Variants in AKAP12 observed in about 807,000 individuals in gnomAD.
AKAP12 encodes A-kinase anchoring protein 12.
In AKAP12, 32 loss-of-function variants were observed where a neutral mutation model predicts 79.9. The observed-to-expected ratio is 0.40, with a 90% confidence interval of 0.30 to 0.54. The LOEUF is 0.54. Among genes scored for constraint, AKAP12 ranks in the 20% least tolerant of loss-of-function variants. AKAP12 has a pLI of 0.48. For synonymous variants in AKAP12, 808 were observed against 857.0 expected, an observed-to-expected ratio of 0.94 and a Z score of 1.00; for missense variants, 2,074 against 2,177.0, an observed-to-expected ratio of 0.95 and a Z score of 0.94.
chr6:151,276,138 A>G (rs1457059540), intron 2 of AKAP12, among the ~76,000 whole-genome samples: 1 of 152,196 alleles, frequency 6.6e-6, no homozygotes, highest in Non-Finnish European at 1.5e-5. Flanking sequence ...GCCTAAGGAG[A>G]CCTTGAAATG....
intron 2 of AKAP12, among the ~76,000 whole-genome samples, chr6:151,272,092 C>T (rs988758593): frequency 5.3e-5 from 8 of 152,040 alleles, no homozygotes; most frequent in East Asian, 1.9e-4. Flanking sequence ...GTAATCCCTG[C>T]GCTGTGGGAG....
rs191862813 is a variant in AKAP12 at position 151,308,470 on chromosome 6, C to G, written c.319+2567C>G. On this transcript the variant is annotated intron_variant, in intron 3 of 4. Coordinates refer to ENST00000402676, the MANE Select transcript of AKAP12 (RefSeq NM_005100.4). Reference sequence around the variant, plus strand: ...TCAAGTGATCCGCCCGCCTCAGCCTCCCAGAGTGCTGGAATTACAGACGTG... The same window carrying G: ...TCAAGTGATCCGCCCGCCTCAGCCTGCCAGAGTGCTGGAATTACAGACGTG... 2.5e-3 allele frequency among the ~76,000 whole-genome samples: 377 copies of G among 152,262 alleles called. 6 individuals are homozygous for G. Among genetic ancestry groups the G allele is most frequent in the Admixed American group, 0.021 (326 of 15,292 alleles).
At chr6:151,308,019 G>T (rs1562731323) in intron 3 of AKAP12, among the ~76,000 whole-genome samples, 1 of 151,864 alleles carries the variant, frequency 6.6e-6, no homozygotes, top group Non-Finnish European at 1.5e-5. Context: ...GAGTAGCTGG[G>T]ACGTGCCACC....
In AKAP12 at chr6:151,353,142, A is replaced by G; in HGVS notation, c.4751A>G (p.Lys1584Arg). The change falls in exon 4 of 5, where the codon AAA (lysine) becomes AGA (arginine). Residue 1584 changes from lysine to arginine, a missense_variant. Around this residue, in one of 3 missense-constraint regions of AKAP12, gnomAD observed 614 missense variants for 665.6 expected, o/e 0.92. Coordinates refer to ENST00000402676, the MANE Select transcript of AKAP12 (RefSeq NM_005100.4). ...TTACAGACACAAGCTCACGTGATAA[A>G]AGCTGACAGCCAGGACGCTGGACAG... ...SELQTQAHVI[K>R]ADSQDAGQET... The G allele has an allele frequency of 1.2e-6, 2 of 1,614,208 alleles. No individual in the cohort carries two copies. Among genetic ancestry groups the G allele is most frequent in the Non-Finnish European group, 1.7e-6 (2 of 1,180,030 alleles).
chr6:151,257,424 G>A (rs901672855), intron 2 of AKAP12, among the ~76,000 whole-genome samples: 1 of 152,118 alleles, frequency 6.6e-6, no homozygotes, highest in Admixed American at 6.6e-5. Flanking sequence ...AGCCTCCTGA[G>A]TAGCTGGGAT....
intron 2 of AKAP12, among the ~76,000 whole-genome samples, chr6:151,281,886 G>T (rs2114725335): frequency 6.6e-6 from 1 of 151,948 alleles, no homozygotes; most frequent in East Asian, 2.0e-4. Flanking sequence ...TTGATGTAGG[G>T]ATGAGGTCTC....
chr6:151,285,632 T>C (rs1776489709), intron 2 of AKAP12, among the ~76,000 whole-genome samples: 1 of 152,024 alleles, frequency 6.6e-6, no homozygotes. Context: ...GGGGGAGGAT[T>C]ATGTAAACAA....
Position 151,350,851 on chromosome 6 carries a change from T to C in AKAP12, c.2460T>C (p.Asp820=). The C allele has an allele frequency of 6.2e-7, 1 of 1,613,982 alleles. No individual in the cohort carries two copies. Among genetic ancestry groups the C allele is most frequent in the Non-Finnish European group, 8.5e-7 (1 of 1,180,004 alleles). ...FIPGRRKKRP[D]GKQEQAPVED... Reference sequence around the variant, plus strand: ...CTGGACGAAGGAAGAAAAGGCCAGATGGGAAACAAGAACAAGCCCCTGTTG... The same window carrying C: ...CTGGACGAAGGAAGAAAAGGCCAGACGGGAAACAAGAACAAGCCCCTGTTG... The change falls in exon 4 of 5, where the codon GAT becomes GAC. Residue 820 remains aspartate, a synonymous_variant. Transcript: ENST00000402676. This position sits in a 1 kb window ranked among gnomAD's most constrained non-coding sequence, Gnocchi z 4.8.
At chr6:151,243,691 C>G (rs745430709) in intron 2 of AKAP12, among the ~76,000 whole-genome samples, 10 of 152,142 alleles carry the variant, frequency 6.6e-5, no homozygotes, top group African/African-American at 1.4e-4. Flanking sequence ...TATGTAAGAT[C>G]CAGGCGGGGG....
intron 2 of AKAP12, among the ~76,000 whole-genome samples, chr6:151,304,743 A>AT (rs965478040): frequency 6.0e-5 from 9 of 151,154 alleles, no homozygotes; most frequent in African/African-American, 1.5e-4. Flanking sequence ...TGCCTGGCTA[A>AT]TTTTTTTGTA....
intron 2 of AKAP12, among the ~76,000 whole-genome samples, chr6:151,275,698 G>A (rs1562717419): frequency 6.6e-6 from 1 of 152,210 alleles, no homozygotes; most frequent in African/African-American, 2.4e-5. Flanking sequence ...ACTGGAAGGA[G>A]TAAGGTTTTT....
Position 151,351,693 on chromosome 6 carries a change from C to T in AKAP12, c.3302C>T (p.Ala1101Val). 6.2e-7 allele frequency: 1 copy of T among 1,614,098 alleles called. No individual in the cohort carries two copies. Among genetic ancestry groups the T allele is most frequent in the Non-Finnish European group, 8.5e-7 (1 of 1,180,026 alleles). The change falls in exon 4 of 5, where the codon GCA becomes GTA. Residue 1101 changes from alanine (A) to valine (V), a missense_variant. By Grantham distance (64) the Ala-to-Val change is moderately conservative. This residue lies in a region of AKAP12 where 1,428 missense variants were observed against 1,451.0 expected (regional missense o/e 0.98). Transcript: ENST00000402676. This position sits in a 1 kb window ranked among gnomAD's most constrained non-coding sequence, Gnocchi z 4.4. ...DVVLKVDAQE[A>V]KTEPFTQGKV... ...GTGTTGAAAGTAGATGCTCAGGAGG[C>T]AAAAACTGAGCCTTTTACACAAGGG...
intron 2 of AKAP12, among the ~76,000 whole-genome samples, chr6:151,264,869 T>A: frequency 6.6e-6 from 1 of 151,724 alleles, no homozygotes; most frequent in Non-Finnish European, 1.5e-5. Flanking sequence ...AAGTTTATGT[T>A]GGCCGGGCGC....
At chr6:151,285,775 C>T (rs923073875) in intron 2 of AKAP12, among the ~76,000 whole-genome samples, 1 of 146,500 alleles carries the variant, frequency 6.8e-6, no homozygotes, top group Non-Finnish European at 1.5e-5. Flanking sequence ...ATGCTCTAAA[C>T]TTAAAGCACA....
At chr6:151,265,182 C>A (rs1313125300) in intron 2 of AKAP12, among the ~76,000 whole-genome samples, 1 of 147,254 alleles carries the variant, frequency 6.8e-6, no homozygotes. Context: ...ATCTTAGGGA[C>A]AAAGTTAAAT....
At chr6:151,354,664 G>A (rs770188981) in intron 4 of AKAP12, among the ~76,000 whole-genome samples, 23 of 151,724 alleles carry the variant, frequency 1.5e-4, no homozygotes, top group Admixed American at 3.3e-4. Context: ...GAGCCACCAC[G>A]CCCAGCCCTA....
intron 2 of AKAP12, among the ~76,000 whole-genome samples, chr6:151,253,506 A>G (rs927923833): frequency 4.6e-5 from 7 of 152,008 alleles, no homozygotes; most frequent in Admixed American, 2.0e-4. Flanking sequence ...AATTACAGGC[A>G]TGAGCCACTG....
intron 2 of AKAP12, among the ~76,000 whole-genome samples, chr6:151,258,099 C>T (rs894162400): frequency 6.6e-6 from 1 of 152,144 alleles, no homozygotes; most frequent in African/African-American, 2.4e-5. Context: ...TTTCTGGGGC[C>T]AGAGACAATT....
intron 2 of AKAP12, chr6:151,298,936 A>C (rs551232575): frequency 6.6e-6 from 1 of 152,396 alleles, no homozygotes; most frequent in South Asian, 2.1e-4. Flanking sequence ...GACCAGCCTA[A>C]AAATGAATTC....
Sources: allele counts gnomAD v4.1 joint callset (sites outside exome capture counted in the v4.1 genomes callset), GRCh38; gene constraint gnomAD v4.1.1; regional missense constraint gnomAD v4.1.1; non-coding constraint Gnocchi (gnomAD v3.1); transcripts MANE v1.5; gene names NCBI Gene and HGNC (gene_info 2026-07-23, HGNC 2026-07-21).